The following PLCL1 variants were observed in gnomAD, a reference collection of about 807,000 sequenced individuals.
The protein encoded by PLCL1 is inactive phospholipase C-like protein 1.
PLCL1 carries 41 observed loss-of-function variants against 84.4 expected under a neutral mutation model. That is an observed-to-expected ratio of 0.49 (90% CI 0.38 to 0.63). PLCL1 has a LOEUF of 0.63. Ranked by LOEUF, PLCL1 falls within the 30% of genes least tolerant of loss-of-function variation. The pLI is 0.00. For synonymous variants in PLCL1, 490 were observed against 488.3 expected, an observed-to-expected ratio of 1.00 and a Z score of -0.05; for missense variants, 1,206 against 1,367.8, an observed-to-expected ratio of 0.88 and a Z score of 1.87.
chr2:198,051,954 G>A, intron 1 of PLCL1, among the ~76,000 whole-genome samples: 1 of 151,986 alleles, frequency 6.6e-6, no homozygotes, highest in South Asian at 2.1e-4. Flanking sequence ...TTGTTGTCCA[G>A]GCTGGAGTGC....
intron 1 of PLCL1, among the ~76,000 whole-genome samples, chr2:197,858,371 C>G (rs1012056023): frequency 2.6e-5 from 4 of 152,020 alleles, no homozygotes; most frequent in African/African-American, 9.7e-5. Context: ...TCAAGCCCTC[C>G]AAAGGGCCTG....
In PLCL1 at chr2:198,086,101, T is replaced by C; in HGVS notation, c.2584T>C (p.Ser862Pro). The C allele has an allele frequency of 6.2e-7, 1 of 1,614,060 alleles. No homozygotes were observed. Residue 862 changes from serine (S) to proline (P), a missense_variant, in exon 2 of 6, where the codon TCA becomes CCA. Coordinates refer to ENST00000428675, the MANE Select transcript of PLCL1 (RefSeq NM_006226.4). ...GGGKAQKRSL[S>P]VRMGKKVREY... ...AGGAAAGGCACAGAAGCGCAGTCTTTCAGTGAGAATGGGGAAGAAAGTTCG... is the reference window on the plus strand; with the variant it reads ...AGGAAAGGCACAGAAGCGCAGTCTTCCAGTGAGAATGGGGAAGAAAGTTCG...
chr2:197,861,550 C>T lies in PLCL1; in HGVS notation c.240+56211C>T, dbSNP rs146644596. ...GGATTGTGGAAACCCTGATTATAGC[C>T]GATTGGTCAGAAGCACAGGTAAAAT... is the stretch of plus-strand genomic sequence containing the variant. On this transcript the variant is annotated intron_variant, in intron 1 of 5. Transcript: ENST00000428675. Among the ~76,000 whole-genome samples, 847 of 152,214 alleles carry T rather than the reference C, an allele frequency of 5.6e-3. 5 individuals carry two copies. Among genetic ancestry groups the T allele is most frequent in the African/African-American group, 0.02 (811 of 41,534 alleles).
intron 5 of PLCL1, among the ~76,000 whole-genome samples, chr2:198,129,140 G>A (rs1399117712): frequency 6.6e-6 from 1 of 152,042 alleles, no homozygotes; most frequent in African/African-American, 2.4e-5. Context: ...ATTTTTAAAT[G>A]GCCCTGCAAA....
chr2:197,830,780 GGGTTA>G (rs1481932752), intron 1 of PLCL1, among the ~76,000 whole-genome samples: 9 of 152,080 alleles, frequency 5.9e-5, no homozygotes, highest in African/African-American at 2.2e-4. Context: ...GAGAAAGATC[GGGTTA>G]CCCACAAAGG....
At chr2:197,905,492 A>G (rs1688362406) in intron 1 of PLCL1, among the ~76,000 whole-genome samples, 2 of 152,166 alleles carry the variant, frequency 1.3e-5, no homozygotes, top group Non-Finnish European at 2.9e-5. Context: ...TATCTAGTCT[A>G]TGATTGATGG....
At chr2:197,878,633 G>A (rs530627612) in intron 1 of PLCL1, among the ~76,000 whole-genome samples, 5 of 152,254 alleles carry the variant, frequency 3.3e-5, no homozygotes, top group African/African-American at 1.2e-4. Context: ...GGAAAACTGT[G>A]TGTGTGTGCA....
At chr2:197,955,914 T>C (rs1021748852) in intron 1 of PLCL1, among the ~76,000 whole-genome samples, 3 of 151,928 alleles carry the variant, frequency 2.0e-5, no homozygotes, top group Non-Finnish European at 4.4e-5. Context: ...CAACCCGTCA[T>C]CTAGGTTTTA....
Position 198,084,004 on chromosome 2 carries a change from A to G in PLCL1, c.487A>G (p.Ile163Val), listed in dbSNP as rs767706149. 5.0e-6 allele frequency: 8 copies of G among 1,614,090 alleles called. No individual in the cohort carries two copies. The highest frequency in any genetic ancestry group is 6.8e-6 in the Non-Finnish European group (8 of 1,180,016). The part of the protein sequence containing the change: ...LEKAKLDISA[I>V]KEIRLGKNTE... ...GAAAGCCAAGCTTGATATTTCTGCC[A>G]TAAAAGAGATCAGACTGGGGAAAAA... The change falls in exon 2 of 6, where the codon ATA (isoleucine) becomes GTA (valine). Residue 163 changes from isoleucine to valine, a missense_variant. By Grantham distance (29) the Ile-to-Val change is conservative (BLOSUM62 3). Transcript: ENST00000428675.
chr2:197,999,744 C>T (rs1348362315), intron 1 of PLCL1, among the ~76,000 whole-genome samples: 1 of 152,128 alleles, frequency 6.6e-6, no homozygotes, highest in Admixed American at 6.6e-5. Context: ...AGGGGATGGA[C>T]CATGAAATTT....
chr2:197,958,800 C>T (rs187736104), intron 1 of PLCL1, among the ~76,000 whole-genome samples: 69 of 152,102 alleles, frequency 4.5e-4, no homozygotes, highest in Non-Finnish European at 8.7e-4. Context: ...ACTCTACTCT[C>T]AAGCACAGGA....
At chr2:198,123,324 A>G (rs1354880968) in intron 5 of PLCL1, among the ~76,000 whole-genome samples, 1 of 152,038 alleles carries the variant, frequency 6.6e-6, no homozygotes, top group Non-Finnish European at 1.5e-5. Context: ...TATGGACTTG[A>G]TGGTGTCCCC....
At chr2:197,875,429 G>T (rs747333724) in intron 1 of PLCL1, among the ~76,000 whole-genome samples, 1 of 152,158 alleles carries the variant, frequency 6.6e-6, no homozygotes, top group Non-Finnish European at 1.5e-5. Context: ...GAAGAGGGTA[G>T]TGATTGGGAA....
At chr2:197,874,117 A>G (rs919387806) in intron 1 of PLCL1, among the ~76,000 whole-genome samples, 4 of 152,188 alleles carry the variant, frequency 2.6e-5, no homozygotes, top group African/African-American at 4.8e-5. Context: ...GGAAATGGCT[A>G]CTTGTCAAAA....
intron 1 of PLCL1, among the ~76,000 whole-genome samples, chr2:197,872,437 C>T (rs1050077369): frequency 1.1e-4 from 16 of 152,228 alleles, no homozygotes; most frequent in African/African-American, 3.6e-4. Flanking sequence ...GCATCAATGC[C>T]AACCATAAGT....
chr2:197,874,197 T>C (rs1574925049), intron 1 of PLCL1, among the ~76,000 whole-genome samples: 1 of 152,152 alleles, frequency 6.6e-6, no homozygotes, highest in African/African-American at 2.4e-5. Context: ...ACAAGTCCTT[T>C]CTGGTATTTC....
At chr2:197,842,072 A>T (rs926402375) in intron 1 of PLCL1, among the ~76,000 whole-genome samples, 1 of 152,304 alleles carries the variant, frequency 6.6e-6, no homozygotes. Context: ...GTTTGGCCTC[A>T]TAGGATCTAA....
chr2:197,861,441 C>T (rs773811329), intron 1 of PLCL1, among the ~76,000 whole-genome samples: 1 of 152,122 alleles, frequency 6.6e-6, no homozygotes, highest in Non-Finnish European at 1.5e-5. Flanking sequence ...TTTGTAACAT[C>T]GTTTTAAATA....
intron 1 of PLCL1, among the ~76,000 whole-genome samples, chr2:197,885,932 T>A (rs1197556229): frequency 6.6e-6 from 1 of 152,164 alleles, no homozygotes; most frequent in Admixed American, 6.5e-5. Context: ...ACTAAAACTA[T>A]AGCTTCATGA....
Sources: gnomAD v4.1 joint callset for allele counts (sites outside exome capture counted in the v4.1 genomes callset) on GRCh38, gnomAD v4.1.1 for gene constraint, MANE v1.5 for transcripts, NCBI Gene and HGNC (gene_info 2026-07-23, HGNC 2026-07-21) for gene names.